The following LINGO2 variants were observed in gnomAD, a reference collection of about 807,000 sequenced individuals.
The protein encoded by LINGO2 is leucine rich repeat and Ig domain containing 2.
A neutral mutation model predicts 30.6 loss-of-function variants in LINGO2; 14 were observed. The observed-to-expected ratio is 0.46, with a 90% confidence interval of 0.30 to 0.72. LINGO2 has a LOEUF of 0.72. LINGO2 is among the 30% of genes least tolerant of loss of function. LINGO2 has a pLI of 0.07. For synonymous variants in LINGO2, 317 were observed against 288.5 expected (o/e 1.10, Z -1.00); for missense variants, 729 against 751.7 (o/e 0.97, Z 0.35).
intron 2 of LINGO2, among the ~76,000 whole-genome samples, chr9:28,374,905 GCAAA>G (rs1466199629): frequency 6.6e-6 from 1 of 151,940 alleles, no homozygotes; most frequent in African/African-American, 2.4e-5. Flanking sequence ...GAAACTGAAG[GCAAA>G]CAAAAACAGG....
chr9:28,959,247 A>G, the LINGO2 span, among the ~76,000 whole-genome samples: 2 of 152,164 alleles, frequency 1.3e-5, no homozygotes, highest in Non-Finnish European at 2.9e-5. Context: ...CGGTCTCAAC[A>G]TTAGAAGATG....
intron 4 of LINGO2, among the ~76,000 whole-genome samples, chr9:28,140,272 C>G (rs897069751): frequency 2.6e-5 from 4 of 152,146 alleles, no homozygotes; most frequent in East Asian, 1.9e-4. Flanking sequence ...ATCTTTCCCC[C>G]CAAATTTCCG....
At chr9:28,085,882 AT>A (rs1587827042) in intron 4 of LINGO2, among the ~76,000 whole-genome samples, 1 of 152,236 alleles carries the variant, frequency 6.6e-6, no homozygotes, top group East Asian at 1.9e-4. Context: ...GTGAGTGTCT[AT>A]AAATAAAATG....
chr9:29,028,873 C>G, the LINGO2 span, among the ~76,000 whole-genome samples: 1 of 152,070 alleles, frequency 6.6e-6, no homozygotes, highest in Admixed American at 6.6e-5. Flanking sequence ...AAGCTTGGTT[C>G]AAAGCTCAAG....
At chr9:27,943,616 G>GA (rs3064643), downstream of LINGO2, 3 of 148,520 alleles carry the variant, frequency 2.0e-5, no homozygotes, top group African/African-American at 7.5e-5. Flanking sequence ...TAGCTGGAGG[G>GA]TTTTTTTTTT....
chr9:29,120,973 T>C, the LINGO2 span, among the ~76,000 whole-genome samples: 1 of 152,190 alleles, frequency 6.6e-6, no homozygotes, highest in African/African-American at 2.4e-5. Context: ...ACAAAATTTA[T>C]GTCCAAAACC....
chr9:29,132,746 C>G, the LINGO2 span, among the ~76,000 whole-genome samples: 2 of 152,150 alleles, frequency 1.3e-5, no homozygotes, highest in Non-Finnish European at 2.9e-5. Context: ...CAAGACAATC[C>G]ACCCGTAACA....
chr9:29,087,467 T>G, the LINGO2 span, among the ~76,000 whole-genome samples: 5 of 152,134 alleles, frequency 3.3e-5, no homozygotes, highest in Admixed American at 2.6e-4. Context: ...TCAAAGATAG[T>G]AGGTAACTTT....
intron 1 of LINGO2, among the ~76,000 whole-genome samples, chr9:28,572,784 T>C (rs1342227009): frequency 6.6e-6 from 1 of 152,170 alleles, no homozygotes; most frequent in African/African-American, 2.4e-5. Flanking sequence ...GAATACTTAG[T>C]GCAATAATTG....
chr9:28,563,021 A>G (rs1339807992), intron 1 of LINGO2, among the ~76,000 whole-genome samples: 1 of 151,860 alleles, frequency 6.6e-6, no homozygotes, highest in African/African-American at 2.4e-5. Flanking sequence ...TAATTTTTGT[A>G]TTTTTAGTAG....
At chr9:29,135,506 C>T in the LINGO2 span, among the ~76,000 whole-genome samples, 5 of 148,372 alleles carry the variant, frequency 3.4e-5, no homozygotes, top group Middle Eastern at 6.9e-3. Flanking sequence ...TGCAGTGAGC[C>T]GGGATTGCAC....
chr9:28,451,106 A>G (rs917199177), intron 2 of LINGO2, among the ~76,000 whole-genome samples: 1 of 151,944 alleles, frequency 6.6e-6, no homozygotes, highest in African/African-American at 2.4e-5. Flanking sequence ...TTTAACAAAA[A>G]TACAGTTCCA....
the LINGO2 span, among the ~76,000 whole-genome samples, chr9:28,861,158 A>G: frequency 8.6e-6 from 1 of 116,868 alleles, no homozygotes; most frequent in Non-Finnish European, 1.6e-5. Flanking sequence ...TTTATATTAT[A>G]TAAATATATA....
intron 1 of LINGO2, among the ~76,000 whole-genome samples, chr9:28,613,139 C>T (rs1353562338): frequency 2.0e-5 from 3 of 152,054 alleles, no homozygotes; most frequent in East Asian, 1.9e-4. Flanking sequence ...TCCGCAGCCA[C>T]GGTGAACTGT....
chr9:28,893,381 C>A, the LINGO2 span, among the ~76,000 whole-genome samples: 1 of 152,008 alleles, frequency 6.6e-6, no homozygotes, highest in African/African-American at 2.4e-5. Context: ...CATTACAATG[C>A]TGCAATTAAC....
the LINGO2 span, among the ~76,000 whole-genome samples, chr9:28,956,473 G>C: frequency 6.6e-6 from 1 of 152,020 alleles, no homozygotes; most frequent in African/African-American, 2.4e-5. Flanking sequence ...AGTGAAGTGC[G>C]GGAATCACAC....
At chr9:29,044,236 ATAAT>A in the LINGO2 span, among the ~76,000 whole-genome samples, 1 of 151,294 alleles carries the variant, frequency 6.6e-6, no homozygotes, top group South Asian at 2.1e-4. Flanking sequence ...TAAGTATATA[ATAAT>A]TAAAATAAAT....
intron 4 of LINGO2, among the ~76,000 whole-genome samples, chr9:28,285,199 A>G (rs1823462631): frequency 6.6e-6 from 1 of 152,004 alleles, no homozygotes; most frequent in African/African-American, 2.4e-5. Context: ...CCTGCTGTAT[A>G]TATAGACTTC....
the LINGO2 span, among the ~76,000 whole-genome samples, chr9:29,094,635 G>T: frequency 1.4e-5 from 2 of 138,826 alleles, 1 homozygote; most frequent in Admixed American, 1.5e-4. Flanking sequence ...GAGATGTGCT[G>T]TAAGTGTAAA....
Sources: allele counts gnomAD v4.1 joint callset (sites outside exome capture counted in the v4.1 genomes callset), GRCh38; gene constraint gnomAD v4.1.1; transcripts MANE v1.5; gene names NCBI Gene and HGNC (gene_info 2026-07-23, HGNC 2026-07-21).